The following SNX7 variants were observed in gnomAD, a reference collection of about 807,000 sequenced individuals.
SNX7 encodes the protein sorting nexin-7.
SNX7 carries 35 observed loss-of-function variants against 48.4 expected under a neutral mutation model. The observed-to-expected ratio is 0.72, with a 90% CI of 0.55 to 0.96. SNX7 has a LOEUF of 0.96. Ranked by LOEUF, SNX7 falls within the 40% of genes least tolerant of loss-of-function variation. The probability of loss-of-function intolerance (pLI) is 0.00; values close to 1 mark genes in which losing one functional copy is unlikely to be tolerated. For missense variants in SNX7, 553 were observed against 548.9 expected, an observed-to-expected ratio of 1.01 and a Z score of -0.07; for synonymous variants, 190 against 190.2, an observed-to-expected ratio of 1.00 and a Z score of 0.01.
At chr1:98,680,890 C>T (rs1355572915) in intron 1 of SNX7, among the ~76,000 whole-genome samples, 20 of 152,216 alleles carry the variant, frequency 1.3e-4, no homozygotes. Context: ...CTGAGCTCTC[C>T]AAACTGTTCC....
At chr1:98,667,286 G>T (rs2100903296) in intron 1 of SNX7, among the ~76,000 whole-genome samples, 1 of 152,202 alleles carries the variant, frequency 6.6e-6, no homozygotes, top group East Asian at 1.9e-4. Context: ...AATTTAATTG[G>T]GATAAATATG....
At chr1:98,696,252 C>G (rs1651451809) in intron 5 of SNX7, among the ~76,000 whole-genome samples, 1 of 147,446 alleles carries the variant, frequency 6.8e-6, no homozygotes, top group South Asian at 2.1e-4. Context: ...CCCTAATTTT[C>G]TAATTGCATT....
chr1:98,674,203 A>G (rs1231399989), intron 1 of SNX7, among the ~76,000 whole-genome samples: 1 of 152,210 alleles, frequency 6.6e-6, no homozygotes, highest in Non-Finnish European at 1.5e-5. Context: ...TCAAATTTTT[A>G]TTGTGTACCA....
chr1:98,707,934 G>T (rs1322041638), intron 7 of SNX7, among the ~76,000 whole-genome samples: 1 of 152,128 alleles, frequency 6.6e-6, no homozygotes, highest in East Asian at 1.9e-4. Flanking sequence ...TTAATTTTCA[G>T]ATGATCTTGG....
chr1:98,718,536 A>G (rs1329767766), intron 7 of SNX7, among the ~76,000 whole-genome samples: 2 of 152,138 alleles, frequency 1.3e-5, no homozygotes, highest in Non-Finnish European at 2.9e-5. Context: ...CAGCTCTAAC[A>G]TAACTAATTA....
chr1:98,746,776 AC>A (rs1654328193), intron 8 of SNX7, among the ~76,000 whole-genome samples: 1 of 152,032 alleles, frequency 6.6e-6, no homozygotes, highest in Non-Finnish European at 1.5e-5. Context: ...ATATTCCCCT[AC>A]CATAGCAAAT....
chr1:98,756,899 A>G (rs1266497091), intron 8 of SNX7, among the ~76,000 whole-genome samples: 1 of 152,038 alleles, frequency 6.6e-6, no homozygotes, highest in African/African-American at 2.4e-5. Flanking sequence ...TGTCATCCGC[A>G]GTGTTGGAGT....
At chr1:98,752,195 C>T (rs1443163566) in intron 8 of SNX7, among the ~76,000 whole-genome samples, 1 of 152,030 alleles carries the variant, frequency 6.6e-6, no homozygotes, top group Non-Finnish European at 1.5e-5. Flanking sequence ...AGTAAATACT[C>T]ACTGTAATAA....
chr1:98,747,394 G>T (rs981491605), intron 8 of SNX7, among the ~76,000 whole-genome samples: 4 of 152,132 alleles, frequency 2.6e-5, no homozygotes, highest in African/African-American at 9.7e-5. Flanking sequence ...ATTAGACATT[G>T]CCAAGACAAC....
chr1:98,684,246 T>A (rs1202920864), intron 1 of SNX7, among the ~76,000 whole-genome samples: 1 of 152,194 alleles, frequency 6.6e-6, no homozygotes, highest in Admixed American at 6.5e-5. Flanking sequence ...GCACATTTCG[T>A]TTACCATAGT....
upstream of SNX7, chr1:98,661,639 G>C (rs539091642): frequency 3.7e-6 from 4 of 1,083,532 alleles, no homozygotes; most frequent in South Asian, 4.6e-5. Context: ...GGGGCCGGCC[G>C]GGGAGGTGCA....
intron 5 of SNX7, among the ~76,000 whole-genome samples, chr1:98,697,128 C>A (rs1651499723): frequency 4.0e-5 from 6 of 151,820 alleles, no homozygotes; most frequent in Admixed American, 3.9e-4. Flanking sequence ...TCAATTGACT[C>A]AATTGAGAAA....
intron 7 of SNX7, among the ~76,000 whole-genome samples, chr1:98,725,291 G>A (rs1224041378): frequency 6.6e-6 from 1 of 152,144 alleles, no homozygotes; most frequent in East Asian, 1.9e-4. Flanking sequence ...TGTTGATGTA[G>A]ATATAGGAAT....
At chr1:98,710,689 C>T (rs1652254611) in intron 7 of SNX7, among the ~76,000 whole-genome samples, 1 of 152,092 alleles carries the variant, frequency 6.6e-6, no homozygotes, top group African/African-American at 2.4e-5. Context: ...AGAAATATGT[C>T]CTAAGGTTCT....
intron 7 of SNX7, among the ~76,000 whole-genome samples, chr1:98,705,239 T>C (rs1651951805): frequency 6.6e-6 from 1 of 152,172 alleles, no homozygotes; most frequent in Admixed American, 6.6e-5. Flanking sequence ...CAAAATTACC[T>C]AAGTCAGTAA....
chr1:98,674,943 C>T (rs960182233), intron 1 of SNX7, among the ~76,000 whole-genome samples: 3 of 152,022 alleles, frequency 2.0e-5, no homozygotes, highest in Admixed American at 1.3e-4. Flanking sequence ...CAGGAGTAAA[C>T]GTGATTTAAG....
At chr1:98,682,241 C>T (rs983512921) in intron 1 of SNX7, among the ~76,000 whole-genome samples, 1 of 151,638 alleles carries the variant, frequency 6.6e-6, no homozygotes, top group Non-Finnish European at 1.5e-5. Context: ...ATTCTTTCTC[C>T]TTGTCATCTC....
At chr1:98,755,496 G>A (rs1310967257) in intron 8 of SNX7, among the ~76,000 whole-genome samples, 1 of 138,120 alleles carries the variant, frequency 7.2e-6, no homozygotes, top group Non-Finnish European at 1.6e-5. Flanking sequence ...CTAGATGGAT[G>A]GCCCTTTTAT....
At chr1:98,744,444 C>G (rs867710916) in intron 8 of SNX7, among the ~76,000 whole-genome samples, 3 of 151,788 alleles carry the variant, frequency 2.0e-5, no homozygotes, top group Non-Finnish European at 4.4e-5. Flanking sequence ...AAGCATATGT[C>G]AGGAAGAAGA....
Sources: allele counts gnomAD v4.1 joint callset (sites outside exome capture counted in the v4.1 genomes callset), GRCh38; gene constraint gnomAD v4.1.1; transcripts MANE v1.5; gene names NCBI Gene and HGNC (gene_info 2026-07-23, HGNC 2026-07-21).